Variants in LAMB2 observed in about 807,000 individuals in gnomAD.
The protein encoded by LAMB2 is laminin subunit beta-2.
In LAMB2, 119 loss-of-function variants were observed where a neutral mutation model predicts 202.7. That is an observed-to-expected ratio of 0.59 (90% CI 0.51 to 0.68). The LOEUF is 0.68. Ranked by LOEUF, LAMB2 falls within the 30% of genes least tolerant of loss-of-function variation. The pLI is 0.00. For missense variants in LAMB2, 2,124 were observed against 2,410.6 expected, an observed-to-expected ratio of 0.88 and a Z score of 2.49; for synonymous variants, 818 against 902.2, an observed-to-expected ratio of 0.91 and a Z score of 1.67.
At position 49,130,449 on chromosome 3, in the gene LAMB2, C is replaced by T. The variant is rs200014849; in HGVS notation, c.1037-30G>A. ...CAGGGGAGGAAGGGCAGGGCAAAGG[C>T]CACATGAGGAACCAGGTCACAAGGG... On this transcript the variant is annotated intron_variant, in intron 8 of 31. Transcript: ENST00000305544. The surrounding 1 kb of genome is among the most constrained non-coding windows in gnomAD (Gnocchi z 5.0). 1.4e-5 allele frequency: 23 copies of T among 1,612,792 alleles called. No homozygotes were observed. The East Asian group carries it at 4.2e-4, about 30-fold the overall frequency.
In LAMB2 at chr3:49,133,043, C is replaced by CT. The variant is rs2045499254; in HGVS notation, c.-177dup. ...CCTCCGACAGCTTAGAGTCCAGCGA[C>CT]TTTGAGCAAAGTTGGGAATCGCGGC... On this transcript the variant is annotated 5_prime_UTR_variant, in exon 1 of 32. Coordinates refer to ENST00000305544, the MANE Select transcript of LAMB2 (RefSeq NM_002292.4). The CT allele has an allele frequency of 3.2e-6, 2 of 622,662 alleles. No individual in the cohort carries two copies. The highest frequency in any genetic ancestry group is 4.3e-4 in the Middle Eastern group (1 of 2,310). The allele number at this position is 622,662 out of a possible 1,614,324, so 38.6% of individuals were successfully genotyped here.
Position 49,129,821 on chromosome 3 carries a change from A to G in LAMB2, c.1405+18T>C. ...GGGGTTAAAGGTCAGCATAGAAGTT[A>G]GGGCAGGAGACACATACGCCGGCAG... On this transcript the variant is annotated intron_variant, in intron 10 of 31. Transcript: ENST00000305544. This position sits in a 1 kb window ranked among gnomAD's most constrained non-coding sequence, Gnocchi z 6.1. 1 of 1,613,680 alleles carries G rather than the reference A, an allele frequency of 6.2e-7. No homozygotes were observed.
In LAMB2 at chr3:49,123,351, A is replaced by T. The variant is rs199510279; in HGVS notation, c.4005T>A (p.His1335Gln). ...CTGCCTCTGCAGACTGGCTATGGGC[A>T]TGCCGGATGCTGTCATAGGCACCTA... is the stretch of plus-strand genomic sequence containing the variant. ...NFLGAYDSIR[H>Q]AHSQSAEAER... The change falls in exon 26 of 32, where the codon CAT (histidine) becomes CAA (glutamine). Residue 1335 changes from histidine (H) to glutamine (Q), a missense_variant. This residue lies in a region of LAMB2 where 1,702 missense variants were observed against 1,896.3 expected (regional missense o/e 0.90). Coordinates refer to ENST00000305544, the MANE Select transcript of LAMB2 (RefSeq NM_002292.4). The T allele has an allele frequency of 1.2e-6, 2 of 1,613,910 alleles. No individual in the cohort carries two copies. Among genetic ancestry groups the T allele is most frequent in the South Asian group, 2.2e-5 (2 of 91,094 alleles).
chr3:49,122,221 G>GTGCCAGGATCGCATCCACATC lies in LAMB2; in HGVS notation c.4702_4722dup (p.Asp1568_Ala1574dup). The GTGCCAGGATCGCATCCACATC allele has an allele frequency of 6.2e-7, 1 of 1,613,458 alleles. No homozygotes were observed. Among genetic ancestry groups the GTGCCAGGATCGCATCCACATC allele is most frequent in the Non-Finnish European group, 8.5e-7 (1 of 1,180,040 alleles). On this transcript the variant is annotated inframe_insertion, in exon 28 of 32. Transcript: ENST00000305544. The stretch of plus-strand genomic sequence containing the variant: ...GCACGACGCACATCTCCTACAGTAC[G>GTGCCAGGATCGCATCCACATC]TGCCAGGATCGCATCCACATCTGCC...
At position 49,129,377 on chromosome 3, in the gene LAMB2, C is replaced by A. The variant is rs568758002; in HGVS notation, c.1519-53G>T. On this transcript the variant is annotated intron_variant, in intron 11 of 31. Coordinates refer to ENST00000305544, the MANE Select transcript of LAMB2 (RefSeq NM_002292.4). The surrounding 1 kb of genome is among the most constrained non-coding windows in gnomAD (Gnocchi z 6.1). ...GAAACAGACCTCCAGACCCCATCAC[C>A]ACCCAGCAGGAAATCCCAACCACAC... is the stretch of plus-strand genomic sequence containing the variant. 20 of 1,508,238 alleles carry A rather than the reference C, an allele frequency of 1.3e-5. No individual in the cohort carries two copies. The South Asian group carries it at 2.1e-4, about 16-fold the overall frequency. 93.4% of individuals were successfully genotyped at this position (1,508,238 alleles called of 1,614,324 possible).
chr3:49,124,838 T>C lies in LAMB2; in HGVS notation c.2972A>G (p.Asn991Ser), dbSNP rs1216789425. The C allele has an allele frequency of 1.2e-6, 2 of 1,613,978 alleles. No individual in the cohort carries two copies. Among genetic ancestry groups the C allele is most frequent in the Non-Finnish European group, 1.7e-6 (2 of 1,180,020 alleles). ...GRCQLCECSGNIDPMDPDACD... is the reference protein window; with the variant it reads ...GRCQLCECSGSIDPMDPDACD... ...GGCATCAGGATCCATTGGGTCAATG[T>C]TCCCACTGCACTCACACAGTTGGCA... The change falls in exon 21 of 32, where the codon AAC becomes AGC. Residue 991 changes from asparagine to serine, a missense_variant. Physicochemically the swap from Asn to Ser is conservative, Grantham distance 46. Transcript: ENST00000305544.
intron 28 of LAMB2, 36 bp from the exon 29 acceptor site, chr3:49,122,121 A>G: frequency 1.9e-6 from 3 of 1,613,402 alleles, no homozygotes; most frequent in Non-Finnish European, 2.5e-6. Context: ...TGGAGGTATC[A>G]AAACCAGGTG....
chr3:49,124,804 G>A lies in LAMB2; in HGVS notation c.3006C>T (p.Pro1002=). 4 of 1,614,194 alleles carry A rather than the reference G, an allele frequency of 2.5e-6. No individual in the cohort carries two copies. Among genetic ancestry groups the A allele is most frequent in the Non-Finnish European group, 3.4e-6 (4 of 1,180,046 alleles). Residue 1002 remains proline, a synonymous_variant, in exon 21 of 32, where the codon CCC becomes CCT. Transcript: ENST00000305544. ...AACAGCGCAGGCATTGCCCCGTGTG[G>A]GGGTCACAGGCATCAGGATCCATTG... ...IDPMDPDACD[P]HTGQCLRCLH...
Position 49,125,989 on chromosome 3 carries a change from G to C in LAMB2, c.2322C>G (p.Thr774=), listed in dbSNP as rs142116851. 3.1e-4 allele frequency: 495 copies of C among 1,614,178 alleles called. No individual in the cohort carries two copies. Among genetic ancestry groups the C allele is most frequent in the Non-Finnish European group, 4.0e-4 (470 of 1,180,040 alleles). ...ACAPLLISLS[T]LIYNGALPCQ... ...CACGCAGGGCACCATTGTAGATGAG[G>C]GTGGACAGGCTGATGAGGAGGGGTG... The change falls in exon 17 of 32, where the codon ACC becomes ACG. Residue 774 remains threonine, a synonymous_variant. Transcript: ENST00000305544.
chr3:49,124,072 A>G lies in LAMB2; in HGVS notation c.3453T>C (p.Asp1151=). ...HACDCDSRGI[D]TPQCHRFTGH... ...CTGTGAAGCGGTGACACTGAGGTGT[A>G]TCTATTCCACGAGAGTCACAATCAC... Residue 1151 remains aspartate, a synonymous_variant, in exon 24 of 32, where the codon GAT becomes GAC. Coordinates refer to ENST00000305544, the MANE Select transcript of LAMB2 (RefSeq NM_002292.4). 1 of 1,614,008 alleles carries G rather than the reference A, an allele frequency of 6.2e-7. No homozygotes were observed. The highest frequency in any genetic ancestry group is 8.5e-7 in the Non-Finnish European group (1 of 1,180,036).
At chr3:49,127,566 G>A (rs2045428861) in intron 15 of LAMB2, among the ~76,000 whole-genome samples, 1 of 151,656 alleles carries the variant, frequency 6.6e-6, no homozygotes, top group African/African-American at 2.4e-5. Context: ...ATGGTGGCGG[G>A]TGCCTGTGGT....
At position 49,126,157 on chromosome 3, in the gene LAMB2, C is replaced by T. The variant is rs886058675; in HGVS notation, c.2154G>A (p.Leu718=). ...GCACCAGGACACGGGGCAGCAGCAC[C>T]AGCTGAAGGAGTGAGCAAGGAAGAT... is the stretch of plus-strand genomic sequence containing the variant. The part of the protein sequence containing the change: ...YSGPGLLIDS[L]VLLPRVLVLE... Residue 718 remains leucine (L), a splice_region_variant and synonymous_variant, in exon 17 of 32, where the codon CTG becomes CTA. Coordinates refer to ENST00000305544, the MANE Select transcript of LAMB2 (RefSeq NM_002292.4). 1.2e-6 allele frequency: 2 copies of T among 1,612,098 alleles called. No homozygotes were observed. The highest frequency in any genetic ancestry group is 2.2e-5 in the South Asian group (2 of 91,064).
In LAMB2 at chr3:49,124,292, G is replaced by T; in HGVS notation, c.3328-6C>A. 1 of 1,613,962 alleles carries T rather than the reference G, an allele frequency of 6.2e-7. No individual in the cohort carries two copies. The highest frequency in any genetic ancestry group is 8.5e-7 in the Non-Finnish European group (1 of 1,180,018). On this transcript the variant is annotated splice_region_variant and splice_polypyrimidine_tract_variant and intron_variant, in intron 22 of 31. Coordinates refer to ENST00000305544, the MANE Select transcript of LAMB2 (RefSeq NM_002292.4). Reference sequence around the variant, plus strand: ...CAGTGGCACTGCCCTGTGAACTGGGGTGGGAACAAGGCAGGGTCAGAGCCT... The same window carrying T: ...CAGTGGCACTGCCCTGTGAACTGGGTTGGGAACAAGGCAGGGTCAGAGCCT...
chr3:49,122,691 G>A lies in LAMB2; in HGVS notation c.4573+13C>T, dbSNP rs748765971. 3.3e-5 allele frequency: 53 copies of A among 1,608,324 alleles called. No individual in the cohort carries two copies. The highest frequency in any genetic ancestry group is 4.0e-5 in the Non-Finnish European group (47 of 1,174,796). The stretch of plus-strand genomic sequence containing the variant: ...GGGACAACCACATGGCCTGGGACAC[G>A]TGGGAGGCTCACGGTTGAGGAAGTC... On this transcript the variant is annotated intron_variant, in intron 27 of 31. Transcript: ENST00000305544.
intron 16 of LAMB2, 49 bp downstream of exon 16, chr3:49,126,316 C>A (rs200793189): frequency 3.7e-5 from 59 of 1,613,790 alleles, no homozygotes; most frequent in Non-Finnish European, 4.9e-5. Context: ...AAGTCCCACA[C>A]CACGGGCCCT....
rs757326387 is a variant in LAMB2 at position 49,132,327 on chromosome 3, T to A, written c.328A>T (p.Asn110Tyr). ...TGTGGTGCAAAGCTGGTGACTACAT[T>A]CTGGATGCGATGGCTGTGTGGGTTG... is the stretch of plus-strand genomic sequence containing the variant. ...RDNPHSHRIQ[N>Y]VVTSFAPQRR... Residue 110 changes from asparagine to tyrosine, a missense_variant, in exon 3 of 32, where the codon AAT (asparagine) becomes TAT (tyrosine). Around this residue, in one of 3 missense-constraint regions of LAMB2, gnomAD observed 166 missense variants for 158.2 expected, o/e 1.05. Transcript: ENST00000305544. The surrounding 1 kb of genome is among the most constrained non-coding windows in gnomAD (Gnocchi z 4.6). The A allele has an allele frequency of 6.2e-7, 1 of 1,614,212 alleles. No homozygotes were observed. Among genetic ancestry groups the A allele is most frequent in the Admixed American group, 1.7e-5 (1 of 60,032 alleles).
In LAMB2 at chr3:49,124,083, G is replaced by T; in HGVS notation, c.3442C>A (p.Arg1148Ser). 1.2e-6 allele frequency: 2 copies of T among 1,614,022 alleles called. No individual in the cohort carries two copies. Among genetic ancestry groups the T allele is most frequent in the Non-Finnish European group, 1.7e-6 (2 of 1,180,022 alleles). ...LQCHACDCDS[R>S]GIDTPQCHRF... is the part of the protein sequence containing the mutation. Reference sequence around the variant, plus strand: ...TGACACTGAGGTGTATCTATTCCACGAGAGTCACAATCACAGGCTGCAAGA... The same window carrying T: ...TGACACTGAGGTGTATCTATTCCACTAGAGTCACAATCACAGGCTGCAAGA... The change falls in exon 24 of 32, where the codon CGT (arginine) becomes AGT (serine). Residue 1148 changes from arginine to serine, a missense_variant. Arg to Ser is a moderately radical substitution (Grantham distance 110, BLOSUM62 -1). Coordinates refer to ENST00000305544, the MANE Select transcript of LAMB2 (RefSeq NM_002292.4).
chr3:49,125,749 T>A lies in LAMB2; in HGVS notation c.2486A>T (p.Gln829Leu), dbSNP rs1560073599. ...GYYGFGPTGC[Q>L]ACQCSHEGAL... ...GGGAACAAGGGGCAGAAGAGTACCT[T>A]GACAGCCTGTGGGGCCAAAGCCATA... The change falls in exon 18 of 32, where the codon CAA (glutamine) becomes CTA (leucine). Residue 829 changes from glutamine to leucine, a missense_variant and splice_region_variant. Transcript: ENST00000305544. 1 of 1,613,750 alleles carries A rather than the reference T, an allele frequency of 6.2e-7. No individual in the cohort carries two copies. Among genetic ancestry groups the A allele is most frequent in the East Asian group, 2.2e-5 (1 of 44,852 alleles).
rs2045458211 is a variant in LAMB2 at position 49,129,440 on chromosome 3, C to T, written c.1519-116G>A. 2.7e-6 allele frequency: 3 copies of T among 1,127,512 alleles called. No individual in the cohort carries two copies. In the South Asian group the frequency reaches 3.9e-5, roughly 15 times the overall value. 69.8% of individuals were successfully genotyped at this position (1,127,512 alleles called of 1,614,324 possible). On this transcript the variant is annotated intron_variant, in intron 11 of 31. Transcript: ENST00000305544. The surrounding 1 kb of genome is among the most constrained non-coding windows in gnomAD (Gnocchi z 6.1). Reference sequence around the variant, plus strand: ...ATCACCCCTCAGTGAAAACATGCCCCCCAGACCACTGGCCCACATCCTTGG... The same window carrying T: ...ATCACCCCTCAGTGAAAACATGCCCTCCAGACCACTGGCCCACATCCTTGG...
Sources: allele counts gnomAD v4.1 joint callset (sites outside exome capture counted in the v4.1 genomes callset), GRCh38; gene constraint gnomAD v4.1.1; regional missense constraint gnomAD v4.1.1; non-coding constraint Gnocchi (gnomAD v3.1); transcripts MANE v1.5; gene names NCBI Gene and HGNC (gene_info 2026-07-23, HGNC 2026-07-21).